The following CPLANE1 variants were observed in gnomAD, a reference collection of about 807,000 sequenced individuals.
CPLANE1 encodes ciliogenesis and planar polarity effector 1.
In CPLANE1, 263 loss-of-function variants were observed where a neutral mutation model predicts 362.5. The observed-to-expected ratio is 0.73, with a 90% CI of 0.66 to 0.80. The LOEUF (loss-of-function observed/expected upper bound fraction) is 0.80. Ranked by LOEUF, CPLANE1 falls within the 30% of genes least tolerant of loss-of-function variation. The pLI, the probability that CPLANE1 is intolerant of heterozygous loss-of-function variation, is 0.00. For synonymous variants in CPLANE1, 1,212 were observed against 1,302.6 expected, an observed-to-expected ratio of 0.93 and a Z score of 1.50; for missense variants, 3,461 against 3,793.4, an observed-to-expected ratio of 0.91 and a Z score of 2.30.
At chr5:37,219,081 C>T (rs1260166853) in intron 15 of CPLANE1, among the ~76,000 whole-genome samples, 1 of 151,820 alleles carries the variant, frequency 6.6e-6, no homozygotes, top group Non-Finnish European at 1.5e-5. Context: ...AAGTCATATA[C>T]AGAAGTCTTT....
At position 37,221,342 on chromosome 5, in the gene CPLANE1, C is replaced by A. The variant is rs2150360577; in HGVS notation, c.2728G>T (p.Glu910Ter). 2.0e-6 allele frequency: 3 copies of A among 1,489,094 alleles called. No individual in the cohort carries two copies. Among genetic ancestry groups the A allele is most frequent in the Non-Finnish European group, 2.7e-6 (3 of 1,124,872 alleles). 92.2% of individuals were successfully genotyped at this position (1,489,094 alleles called of 1,614,324 possible). Reference sequence around the variant, plus strand: ...AGCATACCTGAAAAATCTTTATTTTCTTTTACAGGTAGTTGGGACCATCTC... The same window carrying A: ...AGCATACCTGAAAAATCTTTATTTTATTTTACAGGTAGTTGGGACCATCTC... ...ILRWSQLPVKENKDFSGAAKS... is the reference protein window; with the variant it reads ...ILRWSQLPVK Residue 910 changes from glutamate to a stop codon, truncating the protein, a stop_gained, in exon 15 of 53, where the codon GAA becomes TAA. Transcript: ENST00000651892. LOFTEE classifies it high-confidence loss of function.
intron 20 of CPLANE1, 96 bp downstream of exon 20, chr5:37,198,606 G>T: frequency 8.4e-7 from 1 of 1,187,694 alleles, no homozygotes; most frequent in Non-Finnish European, 1.2e-6. Context: ...TATAGGGCAG[G>T]ACTCCTTGGG....
intron 44 of CPLANE1, 23 bp from the exon 45 acceptor site, chr5:37,139,393 T>C (rs568268742): frequency 2.3e-5 from 26 of 1,143,844 alleles, no homozygotes; most frequent in Non-Finnish European, 2.9e-5. Context: ...TCATTATTAA[T>C]AAAAATTTTG....
chr5:37,180,153 AT>A lies in CPLANE1; in HGVS notation c.5600del (p.Asp1867ValfsTer2). 1 of 1,532,192 alleles carries A rather than the reference AT, an allele frequency of 6.5e-7. No homozygotes were observed. Among genetic ancestry groups the A allele is most frequent in the Non-Finnish European group, 8.8e-7 (1 of 1,141,844 alleles). The allele number at this position is 1,532,192 out of a possible 1,614,324, so 94.9% of individuals were successfully genotyped here. Reference protein sequence around the residue: ...NRMPTEAKNPDIKEINDDIIS... With the variant: ...NRMPTEAKNPXIKEINDDIIS... ...TAATATCATCATTGATTTCTTTTAT[AT>A]CAGGATTTTTTGCTTCAGTTGGCAT... On this transcript the variant is annotated frameshift_variant, in exon 28 of 53. Transcript: ENST00000651892. LOFTEE classifies it high-confidence loss of function.
In CPLANE1 at chr5:37,157,741, G is replaced by A. The variant is rs202140926; in HGVS notation, c.7940C>T (p.Ser2647Leu). 7.7e-5 allele frequency: 124 copies of A among 1,613,702 alleles called. No individual in the cohort carries two copies. The highest frequency in any genetic ancestry group is 3.3e-4 in the Middle Eastern group (2 of 6,078). ...TGCCATATAATGTAACTCTGCAGAC[G>A]ATGGAACTGCTAGATGATCGCTTTG... Reference protein sequence around the residue: ...KQQSDHLAVPSSAELHYMAAS... With the variant: ...KQQSDHLAVPLSAELHYMAAS... Residue 2647 changes from serine (S) to leucine (L), a missense_variant, in exon 40 of 53, where the codon TCG (serine) becomes TTG (leucine). Coordinates refer to ENST00000651892, the MANE Select transcript of CPLANE1 (RefSeq NM_001384732.1).
chr5:37,188,038 A>T (rs1370040281), intron 21 of CPLANE1, among the ~76,000 whole-genome samples, 196 bp from the exon 22 acceptor site: 1 of 152,208 alleles, frequency 6.6e-6, no homozygotes, highest in Non-Finnish European at 1.5e-5. Flanking sequence ...TAAGTCACTA[A>T]CAGATATTCA....
At chr5:37,097,039 T>C in the CPLANE1 span, among the ~76,000 whole-genome samples, 6 of 152,068 alleles carry the variant, frequency 3.9e-5, no homozygotes, top group African/African-American at 9.6e-5. Flanking sequence ...TATATAACGA[T>C]AAAGGGATCA....
intron 51 of CPLANE1, among the ~76,000 whole-genome samples, chr5:37,113,523 G>A (rs1384455855): frequency 6.6e-6 from 1 of 152,126 alleles, no homozygotes; most frequent in Non-Finnish European, 1.5e-5. Context: ...GATGCTTCGA[G>A]GATTCAAAGT....
chr5:37,077,600 G>A, the CPLANE1 span, among the ~76,000 whole-genome samples: 7 of 141,242 alleles, frequency 5.0e-5, no homozygotes, highest in East Asian at 1.5e-3. Context: ...GTGTGTGTGT[G>A]TGTGTCTTTT....
chr5:37,183,022 T>C lies in CPLANE1; in HGVS notation c.5159A>G (p.Lys1720Arg). ...GTTAATATCATTGCACTGAATAGCT[T>C]TGAAAATACATCTTCTAGTTTTAAT... is the stretch of plus-strand genomic sequence containing the variant. ...KSIKTRRCIF[K>R]AIQCNDINPQ... is the part of the protein sequence containing the mutation. Residue 1720 changes from lysine to arginine, a missense_variant, in exon 26 of 53, where the codon AAA becomes AGA. Around this residue, in one of 2 missense-constraint regions of CPLANE1, gnomAD observed 3,380 missense variants for 3,666.1 expected, o/e 0.92. Transcript: ENST00000651892. 1 of 1,613,496 alleles carries C rather than the reference T, an allele frequency of 6.2e-7. No individual in the cohort carries two copies. The highest frequency in any genetic ancestry group is 1.1e-5 in the South Asian group (1 of 91,036).
At chr5:37,093,568 C>A in the CPLANE1 span, among the ~76,000 whole-genome samples, 1 of 152,134 alleles carries the variant, frequency 6.6e-6, no homozygotes, top group East Asian at 1.9e-4. Context: ...CCTGGTTAGA[C>A]CCCCACTCCT....
intron 46 of CPLANE1, among the ~76,000 whole-genome samples, chr5:37,125,827 A>G (rs979082016): frequency 2.0e-5 from 3 of 152,212 alleles, no homozygotes; most frequent in Non-Finnish European, 4.4e-5. Flanking sequence ...TATAGAGTAC[A>G]TGAGATATTT....
chr5:37,162,096 C>T (rs190239940), intron 38 of CPLANE1, among the ~76,000 whole-genome samples: 158 of 152,334 alleles, frequency 1.0e-3, no homozygotes, highest in African/African-American at 3.7e-3. Context: ...AAATACCCCT[C>T]CCTCACCGAA....
intron 6 of CPLANE1, among the ~76,000 whole-genome samples, chr5:37,241,772 A>G (rs1351082843): frequency 2.0e-5 from 3 of 151,938 alleles, no homozygotes; most frequent in African/African-American, 2.4e-5. Flanking sequence ...GACTATAGGC[A>G]TGCGCCACCA....
rs192340334 is a variant in CPLANE1 at position 37,172,312 on chromosome 5, T to C, written c.6171+1443A>G. Among the ~76,000 whole-genome samples the C allele has an allele frequency of 1.8e-4, 28 of 152,292 alleles. 1 individual carries two copies. The highest frequency in any genetic ancestry group is 1.2e-3 in the Admixed American group (19 of 15,296). On this transcript the variant is annotated intron_variant, in intron 32 of 52. Transcript: ENST00000651892. ...AAGAATCTAAGGTTAGCCACTGCTATAGAAATAGCAAGTGGCTATTACCGA... is the reference window on the plus strand; with the variant it reads ...AAGAATCTAAGGTTAGCCACTGCTACAGAAATAGCAAGTGGCTATTACCGA...
chr5:37,245,348 T>TATAC (rs1459616726), intron 4 of CPLANE1, 131 bp downstream of exon 4: 1 of 90,928 alleles, frequency 1.1e-5, no homozygotes, highest in Non-Finnish European at 2.3e-5. Context: ...TATATATATA[T>TATAC]ATACACACAC....
chr5:37,082,347 T>G, the CPLANE1 span, among the ~76,000 whole-genome samples: 1 of 152,154 alleles, frequency 6.6e-6, no homozygotes, highest in Non-Finnish European at 1.5e-5. Context: ...AAATTTCATA[T>G]GGAGTCACAA....
In CPLANE1 at chr5:37,186,247, A is replaced by C. The variant is rs1205815563; in HGVS notation, c.4189+39T>G. 5 of 990,692 alleles carry C rather than the reference A, an allele frequency of 5.0e-6. No homozygotes were observed. In the African/African-American group the frequency reaches 6.5e-5, roughly 13 times the overall value. The allele number at this position is 990,692 out of a possible 1,614,324, so 61.4% of individuals were successfully genotyped here. ...TCAAAACAAAAAGGGAATCTTCTGC[A>C]ATTTATCTGTTAGCTATCTGAGAAA... On this transcript the variant is annotated intron_variant, in intron 24 of 52. Transcript: ENST00000651892.
chr5:37,187,496 G>A lies in CPLANE1; in HGVS notation c.3998C>T (p.Pro1333Leu), dbSNP rs1784395438. Reference protein sequence around the residue: ...SAVEWAYRMLPFSRFFNMEEL... With the variant: ...SAVEWAYRMLLFSRFFNMEEL... The stretch of plus-strand genomic sequence containing the variant: ...TTCCATATTAAAAAACCGAGAGAAA[G>A]GCAGCATTCTATAAGCCCATTCCAC... Residue 1333 changes from proline to leucine, a missense_variant, in exon 23 of 53, where the codon CCT becomes CTT. Transcript: ENST00000651892. The A allele has an allele frequency of 6.2e-7, 1 of 1,613,404 alleles. No individual in the cohort carries two copies. The highest frequency in any genetic ancestry group is 8.5e-7 in the Non-Finnish European group (1 of 1,179,688).
Sources: allele counts gnomAD v4.1 joint callset (sites outside exome capture counted in the v4.1 genomes callset), GRCh38; gene constraint gnomAD v4.1.1; regional missense constraint gnomAD v4.1.1; transcripts MANE v1.5; gene names NCBI Gene and HGNC (gene_info 2026-07-23, HGNC 2026-07-21).